CCDC33: variants seen among roughly 807,000 people sequenced by gnomAD.
CCDC33 encodes coiled-coil domain containing 33, also known as coiled-coil domain-containing protein 33.
A neutral mutation model predicts 91.9 loss-of-function variants in CCDC33; 94 were observed. The ratio of observed to expected loss-of-function variants is 1.02; its 90% confidence interval spans 0.87 to 1.21. The LOEUF (loss-of-function observed/expected upper bound fraction) is 1.21, where lower values mean the gene tolerates loss of function less well. Ranked by LOEUF, CCDC33 falls within the 50% of genes most tolerant of loss-of-function variation. CCDC33 has a pLI of 0.00. For missense variants in CCDC33, 940 were observed against 935.5 expected (o/e 1.00, Z -0.06); for synonymous variants, 396 against 374.5 (o/e 1.06, Z -0.66).
chr15:74,281,706 A>G, intron 9 of CCDC33, 72 bp from the exon 10 acceptor site: 2 of 1,334,658 alleles, frequency 1.5e-6, no homozygotes, highest in Non-Finnish European at 2.1e-6. Flanking sequence ...AGAGAAATCT[A>G]GAACAGTAGG....
At chr15:74,333,833 C>A (rs1424161463) in intron 16 of CCDC33, 48 bp from the exon 17 acceptor site, 25 of 1,503,890 alleles carry the variant, frequency 1.7e-5, no homozygotes, top group Non-Finnish European at 2.3e-5. Flanking sequence ...GCTCACACTG[C>A]CACAGCCTCC....
intron 11 of CCDC33, among the ~76,000 whole-genome samples, chr15:74,305,598 G>A (rs1567018516): frequency 6.6e-6 from 1 of 152,220 alleles, no homozygotes; most frequent in Non-Finnish European, 1.5e-5. Flanking sequence ...AGCACAGGGA[G>A]CAAAAGTGTC....
chr15:74,231,429 G>A (rs2074968506), upstream of CCDC33, among the ~76,000 whole-genome samples: 2 of 152,214 alleles, frequency 1.3e-5, no homozygotes, highest in African/African-American at 4.8e-5. Context: ...AATCTCCTTT[G>A]ACACCAGTGT....
chr15:74,270,644 AG>A (rs1163562793), intron 5 of CCDC33, among the ~76,000 whole-genome samples: 1 of 152,034 alleles, frequency 6.6e-6, no homozygotes, highest in Non-Finnish European at 1.5e-5. Flanking sequence ...GTGAGGGCTG[AG>A]GGAGAGTGGG....
At chr15:74,281,739 C>A in intron 9 of CCDC33, 39 bp from the exon 10 acceptor site, 1 of 1,578,516 alleles carries the variant, frequency 6.3e-7, no homozygotes, top group East Asian at 2.2e-5. Flanking sequence ...GGAAGCTGCC[C>A]TGGCCAGCAT....
At position 74,236,515 on chromosome 15, in the gene CCDC33, CT is replaced by C; in HGVS notation, c.-204del. On this transcript the variant is annotated 5_prime_UTR_variant, in exon 1 of 19. Transcript: ENST00000398814. ...CAGGACCTGCTCCCACCTGGCCACC[CT>C]CCCCCTCCCCCCACATCCAGGCCCC... The C allele has an allele frequency of 2.5e-6, 1 of 404,866 alleles. No homozygotes were observed. Among genetic ancestry groups the C allele is most frequent in the Non-Finnish European group, 4.6e-6 (1 of 219,440 alleles). 25.1% of individuals were successfully genotyped at this position (404,866 alleles called of 1,614,324 possible).
chr15:74,284,315 C>T (rs2059431016), intron 10 of CCDC33, among the ~76,000 whole-genome samples: 1 of 152,176 alleles, frequency 6.6e-6, no homozygotes, highest in Non-Finnish European at 1.5e-5. Context: ...GATTTGAGCT[C>T]ACACCTTCAT....
intron 11 of CCDC33, among the ~76,000 whole-genome samples, chr15:74,327,314 C>CT (rs1361291516): frequency 6.6e-6 from 1 of 152,192 alleles, no homozygotes; most frequent in African/African-American, 2.4e-5. Context: ...CCCCAGCTTT[C>CT]TTTGTCTGTC....
intron 7 of CCDC33, among the ~76,000 whole-genome samples, chr15:74,278,030 GA>G (rs957603278): frequency 1.4e-4 from 22 of 152,184 alleles, no homozygotes; most frequent in African/African-American, 5.1e-4. Flanking sequence ...GATCAATCTT[GA>G]AAGATCACTC....
upstream of CCDC33, among the ~76,000 whole-genome samples, chr15:74,213,873 T>G (rs946850962): frequency 6.6e-6 from 1 of 152,188 alleles, no homozygotes; most frequent in African/African-American, 2.4e-5. Flanking sequence ...CATGATCACC[T>G]AATCGCAGTG....
intron 2 of CCDC33, among the ~76,000 whole-genome samples, chr15:74,230,645 G>A (rs954249457): frequency 1.2e-4 from 18 of 152,112 alleles, no homozygotes; most frequent in African/African-American, 2.9e-4. Flanking sequence ...CACTCTACTC[G>A]TCACCCCCAA....
At chr15:74,256,883 C>A (rs546431773) in intron 2 of CCDC33, among the ~76,000 whole-genome samples, 2 of 152,292 alleles carry the variant, frequency 1.3e-5, no homozygotes, top group South Asian at 4.1e-4. Flanking sequence ...GGAGGGGTAC[C>A]CACACTTTTG....
intron 3 of CCDC33, among the ~76,000 whole-genome samples, chr15:74,264,745 G>A (rs895767925): frequency 6.6e-6 from 1 of 152,152 alleles, no homozygotes; most frequent in African/African-American, 2.4e-5. Flanking sequence ...ACCACGAGGA[G>A]CATTTGCACA....
intron 1 of CCDC33, among the ~76,000 whole-genome samples, chr15:74,204,109 T>C (rs1276380032): frequency 1.3e-5 from 2 of 152,198 alleles, no homozygotes; most frequent in Non-Finnish European, 2.9e-5. Flanking sequence ...GCTCTGTTGC[T>C]CTCCACCATC....
In CCDC33 at chr15:74,336,084, TG is replaced by T; in HGVS notation, c.*35del. The T allele has an allele frequency of 6.2e-7, 1 of 1,607,454 alleles. No individual in the cohort carries two copies. On this transcript the variant is annotated 3_prime_UTR_variant, in exon 19 of 19. Coordinates refer to ENST00000398814, the MANE Select transcript of CCDC33 (RefSeq NM_025055.5). The stretch of plus-strand genomic sequence containing the variant: ...AGAGCAGGCCTCCTTCCCTGTGTGC[TG>T]GGGAGTCTCATCACCGCCCCCTAAA...
Position 74,271,693 on chromosome 15 carries a change from T to C in CCDC33, c.547-10T>C. On this transcript the variant is annotated splice_polypyrimidine_tract_variant and intron_variant, in intron 5 of 18. Transcript: ENST00000398814. ...TGGTGTTCACCTGCCTCCTCTCCTC[T>C]CCTCTCCAGATCTTTCTCCGGGGAG... 6.2e-7 allele frequency: 1 copy of C among 1,610,310 alleles called. No individual in the cohort carries two copies. Among genetic ancestry groups the C allele is most frequent in the Non-Finnish European group, 8.5e-7 (1 of 1,176,788 alleles).
In CCDC33 at chr15:74,295,174, A is replaced by G. The variant is rs77704647; in HGVS notation, c.1096-580A>G. ...GTGCCAGAGATGGCATAATTCATTT[A>G]TTCTTCCACCAAAAATGTATTGAGT... On this transcript the variant is annotated intron_variant, in intron 10 of 18. Transcript: ENST00000398814. 3.6e-3 allele frequency among the ~76,000 whole-genome samples: 554 copies of G among 152,346 alleles called. 4 individuals carry two copies. The highest frequency in any genetic ancestry group is 0.01 in the Middle Eastern group (3 of 294).
At position 74,262,458 on chromosome 15, in the gene CCDC33, A is replaced by C. The variant is rs2076051924; in HGVS notation, c.204A>C (p.Glu68Asp). 1.9e-6 allele frequency: 3 copies of C among 1,614,118 alleles called. No individual in the cohort carries two copies. Among genetic ancestry groups the C allele is most frequent in the Middle Eastern group, 3.3e-4 (2 of 6,060 alleles). Residue 68 changes from glutamate (E) to aspartate (D), a missense_variant, in exon 3 of 19, where the codon GAA becomes GAC. By Grantham distance (45) the Glu-to-Asp change is conservative (BLOSUM62 2). Coordinates refer to ENST00000398814, the MANE Select transcript of CCDC33 (RefSeq NM_025055.5). Reference protein sequence around the residue: ...PYVVVKSTSEEKNNQSSKAVT... With the variant: ...PYVVVKSTSEDKNNQSSKAVT... ...TCCCCAGGAAAAGCACATCTGAGGA[A>C]AAGAACAATCAGAGCTCCAAGGCAG...
chr15:74,232,171 C>T (rs1307591497), upstream of CCDC33, among the ~76,000 whole-genome samples: 3 of 152,114 alleles, frequency 2.0e-5, no homozygotes, highest in Admixed American at 6.5e-5. Flanking sequence ...ACGATGACAG[C>T]AGTAATACCA....
Sources: allele counts gnomAD v4.1 joint callset (sites outside exome capture counted in the v4.1 genomes callset), GRCh38; gene constraint gnomAD v4.1.1; transcripts MANE v1.5; gene names NCBI Gene and HGNC (gene_info 2026-07-23, HGNC 2026-07-21).